DPYSL3: variants seen among roughly 807,000 people sequenced by gnomAD.
DPYSL3 encodes dihydropyrimidinase like 3, also known as dihydropyrimidinase-related protein 3.
A neutral mutation model predicts 66.1 loss-of-function variants in DPYSL3; 16 were observed. The ratio of observed to expected loss-of-function variants is 0.24; its 90% CI spans 0.16 to 0.37. The LOEUF (loss-of-function observed/expected upper bound fraction) is 0.37, where lower values mean the gene tolerates loss of function less well. Among genes scored for constraint, DPYSL3 ranks in the 10% least tolerant of loss-of-function variants. The probability of loss-of-function intolerance (pLI) is 1.00; values close to 1 mark genes in which losing one functional copy is unlikely to be tolerated. For synonymous variants in DPYSL3, 338 were observed against 345.1 expected, an observed-to-expected ratio of 0.98 and a Z score of 0.23; for missense variants, 738 against 916.2, an observed-to-expected ratio of 0.81 and a Z score of 2.51.
intron 1 of DPYSL3, among the ~76,000 whole-genome samples, chr5:147,486,077 C>T (rs115320332): frequency 8.0e-4 from 122 of 152,104 alleles, no homozygotes; most frequent in African/African-American, 2.7e-3. Flanking sequence ...GAAAACTATG[C>T]GAAGTGAAAG....
chr5:147,487,670 G>T (rs563136511), intron 1 of DPYSL3, among the ~76,000 whole-genome samples: 1 of 152,264 alleles, frequency 6.6e-6, no homozygotes, highest in African/African-American at 2.4e-5. Context: ...ACAGTATAGA[G>T]TTGAATAATT....
intron 1 of DPYSL3, among the ~76,000 whole-genome samples, chr5:147,425,581 A>G (rs1198615025): frequency 1.3e-5 from 2 of 152,230 alleles, no homozygotes; most frequent in African/African-American, 4.8e-5. Flanking sequence ...GAAATTATGC[A>G]GGATTTATAT....
chr5:147,467,236 A>G (rs17106769), intron 1 of DPYSL3, among the ~76,000 whole-genome samples: 70,763 of 152,108 alleles, frequency 0.47, 16,930 homozygotes, highest in Non-Finnish European at 0.51. Flanking sequence ...GAAAAACCTT[A>G]GCCTTACTTG....
At chr5:147,438,600 A>G (rs905518670) in intron 1 of DPYSL3, among the ~76,000 whole-genome samples, 8 of 152,310 alleles carry the variant, frequency 5.3e-5, no homozygotes, top group African/African-American at 1.9e-4. Flanking sequence ...TTACCTGCAA[A>G]GCCATAAAGC....
chr5:147,401,914 G>A (rs1011412414), intron 8 of DPYSL3: 2 of 447,432 alleles, frequency 4.5e-6, no homozygotes, highest in Admixed American at 9.0e-5. Flanking sequence ...GCCATTGGTT[G>A]TTAGATGCAG....
At chr5:147,449,373 C>T (rs554447999) in intron 1 of DPYSL3, among the ~76,000 whole-genome samples, 121 of 152,348 alleles carry the variant, frequency 7.9e-4, no homozygotes, top group African/African-American at 1.9e-3. Flanking sequence ...ACTGGGGATA[C>T]GTCTTCCAGC....
chr5:147,440,431 A>G (rs1190307462), intron 1 of DPYSL3, among the ~76,000 whole-genome samples: 3 of 152,240 alleles, frequency 2.0e-5, no homozygotes, highest in African/African-American at 7.2e-5. Flanking sequence ...ACTCTGACAT[A>G]GACAGCTTCC....
chr5:147,400,821 CT>C lies in DPYSL3; in HGVS notation c.1322del (p.Gln441ArgfsTer57). On this transcript the variant is annotated frameshift_variant, in exon 10 of 14. Transcript: ENST00000343218. LOFTEE classifies it high-confidence loss of function. ...INSLLASGDLQLSGSAHCTFS... is the reference protein window; with the variant it reads ...INSLLASGDLXLSGSAHCTFS... ...AGGTGCAGTGGGCACTCCCAGATAGCTGCAGATCCCCGCTGGCAAAGGAGAA... is the reference window on the plus strand; with the variant it reads ...AGGTGCAGTGGGCACTCCCAGATAGCGCAGATCCCCGCTGGCAAAGGAGAA... The C allele has an allele frequency of 6.2e-7, 1 of 1,613,662 alleles. No homozygotes were observed. Among genetic ancestry groups the C allele is most frequent in the Non-Finnish European group, 8.5e-7 (1 of 1,179,734 alleles).
intron 10 of DPYSL3, among the ~76,000 whole-genome samples, 191 bp downstream of exon 10, chr5:147,400,501 G>A (rs1056610888): frequency 5.9e-5 from 9 of 152,228 alleles, no homozygotes; most frequent in African/African-American, 2.2e-4. Context: ...CAGAATGCTA[G>A]GCCTTAGGAT....
intron 7 of DPYSL3, 160 bp from the exon 8 acceptor site, chr5:147,405,890 A>G: frequency 1.2e-6 from 1 of 841,876 alleles, no homozygotes; most frequent in Non-Finnish European, 1.8e-6. Context: ...CAGATCTACC[A>G]CTTCCTAACT....
intron 1 of DPYSL3, among the ~76,000 whole-genome samples, chr5:147,489,973 A>G (rs11167991): frequency 0.14 from 21,898 of 152,144 alleles, 1,664 homozygotes; most frequent in Middle Eastern, 0.21. Flanking sequence ...AAGAAAAAAT[A>G]TTCTAATAAG....
At chr5:147,395,439 A>T in intron 13 of DPYSL3, 120 bp downstream of exon 13, 1 of 1,232,976 alleles carries the variant, frequency 8.1e-7, no homozygotes, top group Non-Finnish European at 1.1e-6. Context: ...CCTAAAGTTG[A>T]CACCAGTGCT....
At chr5:147,409,246 G>A (rs781357173) in intron 6 of DPYSL3, among the ~76,000 whole-genome samples, 8 of 152,182 alleles carry the variant, frequency 5.3e-5, no homozygotes, top group Non-Finnish European at 7.3e-5. Flanking sequence ...CTGACCTCAC[G>A]GGGCTTATAA....
chr5:147,396,760 AT>A (rs968224489), intron 12 of DPYSL3, among the ~76,000 whole-genome samples: 12 of 151,992 alleles, frequency 7.9e-5, no homozygotes, highest in African/African-American at 2.4e-4. Context: ...CTCCTTCTCT[AT>A]TAGGCCCAAA....
chr5:147,443,030 A>C (rs1054667821), intron 1 of DPYSL3, among the ~76,000 whole-genome samples: 1 of 152,228 alleles, frequency 6.6e-6, no homozygotes, highest in African/African-American at 2.4e-5. Context: ...CCCACAGTAA[A>C]ACAGATAGTA....
At chr5:147,412,470 C>A in intron 6 of DPYSL3, 138 bp downstream of exon 6, 2 of 774,564 alleles carry the variant, frequency 2.6e-6, no homozygotes, top group South Asian at 1.8e-5. Context: ...TGTGAGGTAC[C>A]TTGGAGCAGG....
chr5:147,406,701 C>G (rs548954360), intron 7 of DPYSL3, among the ~76,000 whole-genome samples: 104 of 152,250 alleles, frequency 6.8e-4, no homozygotes, highest in African/African-American at 2.4e-3. Context: ...GTAAGTTAGT[C>G]CAATTCAGCA....
intron 1 of DPYSL3, among the ~76,000 whole-genome samples, chr5:147,434,639 T>G (rs149185215): frequency 1.3e-4 from 20 of 148,310 alleles, no homozygotes; most frequent in African/African-American, 5.0e-4. Context: ...ATAAAACAGT[T>G]AGAAAAGTAA....
In DPYSL3 at chr5:147,426,463, C is replaced by T. The variant is rs189091379; in HGVS notation, c.382-1500G>A. Among the ~76,000 whole-genome samples, 3 of 152,158 alleles carry T rather than the reference C, an allele frequency of 2.0e-5. No homozygotes were observed. The East Asian group carries it at 5.8e-4, about 29-fold the overall frequency. Reference sequence around the variant, plus strand: ...TACACTGAGACATATGTCAGGATTGCAAGCAGAGGGGTGAAGACCTGTGTT... The same window carrying T: ...TACACTGAGACATATGTCAGGATTGTAAGCAGAGGGGTGAAGACCTGTGTT... On this transcript the variant is annotated intron_variant, in intron 1 of 13. Coordinates refer to ENST00000343218, the MANE Select transcript of DPYSL3 (RefSeq NM_001197294.2).
Sources: gnomAD v4.1 joint callset for allele counts (sites outside exome capture counted in the v4.1 genomes callset) on GRCh38, gnomAD v4.1.1 for gene constraint, MANE v1.5 for transcripts, NCBI Gene and HGNC (gene_info 2026-07-23, HGNC 2026-07-21) for gene names.